CHCT1: variants seen among roughly 807,000 people sequenced by gnomAD.
The protein encoded by CHCT1 is CHD1 helical C-terminal domain containing protein 1.
the CHCT1 span, among the ~76,000 whole-genome samples, chr17:60,429,135 A>C: frequency 6.6e-6 from 1 of 152,228 alleles, no homozygotes; most frequent in Non-Finnish European, 1.5e-5. Context: ...GATGGAAGAC[A>C]TGATCTCAAA....
chr17:60,425,827 T>A, the CHCT1 span: 1 of 1,551,748 alleles, frequency 6.4e-7, no homozygotes, highest in South Asian at 1.2e-5. Context: ...GCGCCAGCCC[T>A]GCTAGAGACT....
the CHCT1 span, chr17:60,429,697 T>C: frequency 3.7e-5 from 26 of 709,114 alleles, no homozygotes; most frequent in Non-Finnish European, 5.7e-5. Context: ...CTTTCCATCT[T>C]CTCTTCATCC....
chr17:60,430,977 GT>G, the CHCT1 span, among the ~76,000 whole-genome samples: 1 of 152,190 alleles, frequency 6.6e-6, no homozygotes, highest in African/African-American at 2.4e-5. Flanking sequence ...CTGGACCTGG[GT>G]GACAGTCCTC....
the CHCT1 span, chr17:60,431,121 G>T: frequency 8.1e-7 from 1 of 1,234,630 alleles, no homozygotes; most frequent in South Asian, 1.3e-5. Context: ...ATGTATTACA[G>T]ACTGAGATTC....
chr17:60,431,346 G>A, the CHCT1 span: 1 of 989,164 alleles, frequency 1.0e-6, no homozygotes. Context: ...GAAAAGAATT[G>A]TCCTTATCAA....
chr17:60,423,610 C>T, the CHCT1 span, among the ~76,000 whole-genome samples: 7 of 152,032 alleles, frequency 4.6e-5, no homozygotes, highest in South Asian at 2.1e-4. Flanking sequence ...ATTACAGGCA[C>T]GTGCCACCAC....
the CHCT1 span, chr17:60,425,757 G>C: frequency 6.6e-7 from 1 of 1,518,780 alleles, no homozygotes; most frequent in East Asian, 2.5e-5. Flanking sequence ...CAATCCCCCG[G>C]CTTAGTGCCC....
the CHCT1 span, among the ~76,000 whole-genome samples, chr17:60,423,274 C>T: frequency 6.6e-6 from 1 of 151,928 alleles, no homozygotes; most frequent in East Asian, 1.9e-4. Flanking sequence ...CCACTGCAAC[C>T]TCTGCCCCCT....
the CHCT1 span, chr17:60,422,566 C>G: frequency 6.5e-7 from 1 of 1,549,804 alleles, no homozygotes; most frequent in Non-Finnish European, 8.7e-7. Flanking sequence ...GAGTGCCACC[C>G]TGGAGCCTAC....
the CHCT1 span, among the ~76,000 whole-genome samples, chr17:60,422,843 G>A: frequency 1.3e-5 from 2 of 152,138 alleles, no homozygotes; most frequent in East Asian, 3.8e-4. Context: ...TGGGGAAGAG[G>A]TCGCCTCTCA....
chr17:60,427,000 C>G, the CHCT1 span: 2 of 709,202 alleles, frequency 2.8e-6, no homozygotes, highest in Non-Finnish European at 3.5e-6. Flanking sequence ...CTGAAGAGGC[C>G]GAGGCTCAGC....
At chr17:60,421,762 C>G in the CHCT1 span, 13 of 877,710 alleles carry the variant, frequency 1.5e-5, no homozygotes, top group Non-Finnish European at 1.8e-5. Context: ...TTTCCGCCCT[C>G]GGCCTCGGGT....
the CHCT1 span, chr17:60,429,448 G>C: frequency 3.7e-6 from 6 of 1,614,242 alleles, no homozygotes; most frequent in Non-Finnish European, 5.1e-6. Flanking sequence ...ATGCATGGGG[G>C]CTGCACAGCA....
chr17:60,427,016 G>A, the CHCT1 span, among the ~76,000 whole-genome samples: 2 of 152,204 alleles, frequency 1.3e-5, no homozygotes, highest in Non-Finnish European at 2.9e-5. Flanking sequence ...TCAGCATCAA[G>A]TTCTCCATAT....
chr17:60,423,285 G>A, the CHCT1 span, among the ~76,000 whole-genome samples: 2 of 151,426 alleles, frequency 1.3e-5, no homozygotes, highest in Non-Finnish European at 2.9e-5. Context: ...TCTGCCCCCT[G>A]GGTTGGAGCA....
the CHCT1 span, chr17:60,431,149 A>G: frequency 1.4e-6 from 2 of 1,460,076 alleles, no homozygotes; most frequent in Non-Finnish European, 1.9e-6. Context: ...TTGTGATGTC[A>G]TTGGGACTGT....
At chr17:60,426,181 G>C in the CHCT1 span, 1 of 1,551,714 alleles carries the variant, frequency 6.4e-7, no homozygotes, top group Non-Finnish European at 8.7e-7. Flanking sequence ...ACCTAAGACC[G>C]CTGAAGAAGT....
chr17:60,426,003 A>T, the CHCT1 span: 1 of 1,275,046 alleles, frequency 7.8e-7, no homozygotes, highest in Non-Finnish European at 1.1e-6. Context: ...TACTCTTGGT[A>T]AGGACTTTTG....
chr17:60,422,248 G>T, the CHCT1 span: 1 of 353,264 alleles, frequency 2.8e-6, no homozygotes, highest in Middle Eastern at 1.0e-3. Flanking sequence ...AGCCTTACCA[G>T]GTGGTGTCAG....
Sources: gnomAD v4.1 joint callset for allele counts (sites outside exome capture counted in the v4.1 genomes callset) on GRCh38, gnomAD v4.1.1 for gene constraint, MANE v1.5 for transcripts, NCBI Gene and HGNC (gene_info 2026-07-23, HGNC 2026-07-21) for gene names.